ITPR2: variants seen among roughly 807,000 people sequenced by gnomAD.
ITPR2 encodes inositol 1,4,5-trisphosphate-gated calcium channel ITPR2.
ITPR2 carries 207 observed loss-of-function variants against 317.1 expected under a neutral mutation model. That is an observed-to-expected ratio of 0.65 (90% CI 0.58 to 0.73). The LOEUF is 0.73. Ranked by LOEUF, ITPR2 falls within the 30% of genes least tolerant of loss-of-function variation. The pLI, the probability that ITPR2 is intolerant of heterozygous loss-of-function variation, is 0.00. For synonymous variants in ITPR2, 1,156 were observed against 1,149.1 expected, an observed-to-expected ratio of 1.01 and a Z score of -0.12; for missense variants, 2,613 against 3,284.0, an observed-to-expected ratio of 0.80 and a Z score of 4.99.
At chr12:26,785,450 G>A (rs1283246372) in intron 2 of ITPR2, among the ~76,000 whole-genome samples, 12 of 83,132 alleles carry the variant, frequency 1.4e-4, no homozygotes, top group East Asian at 6.8e-4. Context: ...CCCCCTGCCC[G>A]GCCGGCCGCC....
chr12:26,734,829 T>A (rs1438005930), intron 2 of ITPR2, among the ~76,000 whole-genome samples: 1 of 152,124 alleles, frequency 6.6e-6, no homozygotes, highest in Admixed American at 6.6e-5. Context: ...AACAAAAAGA[T>A]CATGGAGTCT....
chr12:26,612,896 A>T (rs1946301514), intron 26 of ITPR2, among the ~76,000 whole-genome samples: 1 of 152,210 alleles, frequency 6.6e-6, no homozygotes, highest in Admixed American at 6.5e-5. Context: ...AATACATGCT[A>T]ACTCCTCCCA....
chr12:26,758,213 T>C (rs547326170), intron 2 of ITPR2, among the ~76,000 whole-genome samples: 1 of 152,334 alleles, frequency 6.6e-6, no homozygotes, highest in South Asian at 2.1e-4. Flanking sequence ...TCCTTAGAGA[T>C]AGTATACATA....
At chr12:26,352,212 T>C (rs1938505255) in intron 55 of ITPR2, among the ~76,000 whole-genome samples, 1 of 152,222 alleles carries the variant, frequency 6.6e-6, no homozygotes, top group Admixed American at 6.5e-5. Flanking sequence ...CAGATGCTCT[T>C]GCCTGAGATT....
intron 49 of ITPR2, among the ~76,000 whole-genome samples, chr12:26,423,315 G>C (rs1940951432): frequency 6.6e-6 from 1 of 152,116 alleles, no homozygotes; most frequent in African/African-American, 2.4e-5. Flanking sequence ...AGTAACATAA[G>C]ACCTCCCAGA....
intron 2 of ITPR2, among the ~76,000 whole-genome samples, chr12:26,768,573 A>T (rs868494611): frequency 4.0e-5 from 4 of 99,264 alleles, no homozygotes; most frequent in African/African-American, 6.0e-5. Context: ...AATATATATA[A>T]AAAAAAAAAA....
Position 26,480,779 on chromosome 12 carries a change from G to A in ITPR2, c.6123+352C>T, listed in dbSNP as rs577761116. ...CACTTGAACCTGGGAGGAGGAGGTT[G>A]CAGTGAGCCGAGATCGTGCCACTGC... On this transcript the variant is annotated intron_variant, in intron 43 of 56. Transcript: ENST00000381340. Among the ~76,000 whole-genome samples the A allele has an allele frequency of 3.3e-5, 5 of 152,304 alleles. No individual in the cohort carries two copies. In the South Asian group the frequency reaches 1.0e-3, roughly 32 times the overall value.
At position 26,819,082 on chromosome 12, in the gene ITPR2, G is replaced by T. The variant is rs57170063; in HGVS notation, c.92+13608C>A. On this transcript the variant is annotated intron_variant, in intron 1 of 56. Transcript: ENST00000381340. The stretch of plus-strand genomic sequence containing the variant: ...TACATTTTTAAATATCTAGCAAAGA[G>T]CATTATAGGATGTTAGAACCAGAAG... 9.1e-3 allele frequency among the ~76,000 whole-genome samples: 1,393 copies of T among 152,274 alleles called. 17 individuals are homozygous for T. The highest frequency in any genetic ancestry group is 0.032 in the African/African-American group (1,324 of 41,550).
chr12:26,651,616 T>C (rs1408614011), intron 21 of ITPR2, among the ~76,000 whole-genome samples: 1 of 152,226 alleles, frequency 6.6e-6, no homozygotes, highest in Non-Finnish European at 1.5e-5. Context: ...TCACAGTTAC[T>C]CTTCAGAGAG....
chr12:26,387,618 A>G (rs1939703003), intron 54 of ITPR2, 24 bp from the exon 55 acceptor site: 4 of 1,606,522 alleles, frequency 2.5e-6, no homozygotes, highest in East Asian at 4.5e-5. Context: ...GCAACACAAT[A>G]TATGTAATTC....
intron 2 of ITPR2, among the ~76,000 whole-genome samples, chr12:26,747,881 G>A (rs939289786): frequency 6.6e-6 from 1 of 152,042 alleles, no homozygotes; most frequent in Non-Finnish European, 1.5e-5. Context: ...ATTTCTATTT[G>A]AGACAAAATT....
At chr12:26,583,877 G>A (rs1174383692) in intron 32 of ITPR2, among the ~76,000 whole-genome samples, 1 of 151,976 alleles carries the variant, frequency 6.6e-6, no homozygotes, top group African/African-American at 2.4e-5. Context: ...GACCATCACT[G>A]TCTTTTCCAA....
At chr12:26,665,771 G>A (rs1338287495) in intron 14 of ITPR2, 139 bp downstream of exon 14, 2 of 726,234 alleles carry the variant, frequency 2.8e-6, no homozygotes, top group African/African-American at 1.8e-5. Context: ...CAGAAACTGT[G>A]AGACAAGAAG....
At chr12:26,653,831 A>G in intron 21 of ITPR2, 145 bp downstream of exon 21, 1 of 600,616 alleles carries the variant, frequency 1.7e-6, no homozygotes, top group East Asian at 3.1e-5. Context: ...CCACCTTATT[A>G]TCACTCAGCC....
chr12:26,414,862 C>A (rs2136677502), intron 51 of ITPR2, among the ~76,000 whole-genome samples: 3 of 152,118 alleles, frequency 2.0e-5, no homozygotes, highest in Admixed American at 2.0e-4. Flanking sequence ...GGTTTCAAAT[C>A]AAAGCATTTA....
chr12:26,713,831 G>T (rs1948692945), intron 8 of ITPR2, among the ~76,000 whole-genome samples: 1 of 152,044 alleles, frequency 6.6e-6, no homozygotes, highest in Non-Finnish European at 1.5e-5. Flanking sequence ...GTGTGAAAAT[G>T]CATGCTTTAA....
At chr12:26,661,330 G>A (rs1418623177) in intron 15 of ITPR2, among the ~76,000 whole-genome samples, 1 of 144,572 alleles carries the variant, frequency 6.9e-6, no homozygotes, top group Non-Finnish European at 1.5e-5. Flanking sequence ...ACGTGTGTGT[G>A]TTTGTGTGTG....
In ITPR2 at chr12:26,512,366, C is replaced by T. The variant is rs116712485; in HGVS notation, c.5074-17106G>A. Among the ~76,000 whole-genome samples, 1,299 of 152,274 alleles carry T rather than the reference C, an allele frequency of 8.5e-3. 16 individuals are homozygous for T. Among genetic ancestry groups the T allele is most frequent in the African/African-American group, 0.03 (1,230 of 41,546 alleles). On this transcript the variant is annotated intron_variant, in intron 37 of 56. Transcript: ENST00000381340. ...CAAAACTCAAAGTCATCTCTCTGTT[C>T]ACCTGAGATAAATGCATACCTGATT...
intron 13 of ITPR2, among the ~76,000 whole-genome samples, chr12:26,672,263 C>T (rs2136940249): frequency 6.6e-6 from 1 of 151,334 alleles, no homozygotes; most frequent in South Asian, 2.1e-4. Flanking sequence ...TTCAGCACCA[C>T]ACCACACCTA....
Sources: gnomAD v4.1 joint callset for allele counts (sites outside exome capture counted in the v4.1 genomes callset) on GRCh38, gnomAD v4.1.1 for gene constraint, MANE v1.5 for transcripts, NCBI Gene and HGNC (gene_info 2026-07-23, HGNC 2026-07-21) for gene names.